The following ANKRD55 variants were observed in gnomAD, a reference collection of about 807,000 sequenced individuals.
The protein encoded by ANKRD55 is ankyrin repeat domain 55, also known as ankyrin repeat domain-containing protein 55.
In ANKRD55, 41 loss-of-function variants were observed where a neutral mutation model predicts 60.6. The ratio of observed to expected loss-of-function variants is 0.68; its 90% confidence interval spans 0.53 to 0.88. The LOEUF is 0.88. ANKRD55 is among the 40% of genes least tolerant of loss of function. The probability of loss-of-function intolerance (pLI) is 0.00; values close to 1 mark genes in which losing one functional copy is unlikely to be tolerated. For missense variants in ANKRD55, 732 were observed against 767.6 expected (o/e 0.95, Z 0.55); for synonymous variants, 264 against 290.3 (o/e 0.91, Z 0.92).
intron 7 of ANKRD55, among the ~76,000 whole-genome samples, chr5:56,141,046 G>A (rs888193544): frequency 4.0e-5 from 6 of 151,372 alleles, no homozygotes; most frequent in African/African-American, 1.5e-4. Context: ...CTGGGCAATA[G>A]AGTAAGACTC....
chr5:56,176,210 G>A lies in ANKRD55; in HGVS notation c.254C>T (p.Ala85Val). The A allele has an allele frequency of 6.2e-7, 1 of 1,614,140 alleles. No homozygotes were observed. The highest frequency in any genetic ancestry group is 8.5e-7 in the Non-Finnish European group (1 of 1,180,034). ...ATAAGCATCCTGCATGTTAATATTG[G>A]CTCCCATCTTCAACAGCAGCTTCAC... ...DTVKLLLKMG[A>V]NINMQDAYGR... Residue 85 changes from alanine to valine, a missense_variant, in exon 4 of 12, where the codon GCC (alanine) becomes GTC (valine). Ala to Val is a moderately conservative substitution (Grantham distance 64). Around this residue, in one of 3 missense-constraint regions of ANKRD55, gnomAD observed 131 missense variants for 142.7 expected, o/e 0.92. Coordinates refer to ENST00000341048, the MANE Select transcript of ANKRD55 (RefSeq NM_024669.3).
At chr5:56,151,742 G>A (rs1237930969) in intron 6 of ANKRD55, among the ~76,000 whole-genome samples, 3 of 151,824 alleles carry the variant, frequency 2.0e-5, no homozygotes, top group Non-Finnish European at 2.9e-5. Context: ...GAACCCAAGA[G>A]GCGGAGGTTG....
intron 2 of ANKRD55, among the ~76,000 whole-genome samples, chr5:56,210,135 G>A (rs1467192284): frequency 6.6e-6 from 1 of 151,956 alleles, no homozygotes; most frequent in Non-Finnish European, 1.5e-5. Flanking sequence ...AGCCTCCTGA[G>A]TAGCTGGGAC....
intron 2 of ANKRD55, among the ~76,000 whole-genome samples, chr5:56,227,087 C>T (rs1269011638): frequency 6.6e-6 from 1 of 152,064 alleles, no homozygotes. Context: ...TGGAACCAAC[C>T]CAAATGTCCA....
chr5:56,136,518 C>A (rs1757601427), intron 7 of ANKRD55, among the ~76,000 whole-genome samples: 1 of 152,102 alleles, frequency 6.6e-6, no homozygotes. Context: ...GTTGTTTCAC[C>A]AAATGGTGCT....
intron 9 of ANKRD55, among the ~76,000 whole-genome samples, chr5:56,115,178 T>A (rs1308053043): frequency 6.6e-6 from 1 of 150,778 alleles, no homozygotes; most frequent in Non-Finnish European, 1.5e-5. Context: ...CCAGCCTGGA[T>A]GACAAGTGAG....
At chr5:56,181,715 C>T (rs1173113613) in intron 3 of ANKRD55, among the ~76,000 whole-genome samples, 1 of 152,080 alleles carries the variant, frequency 6.6e-6, no homozygotes, top group Admixed American at 6.5e-5. Flanking sequence ...TCAGCCTCCC[C>T]AGTAGCTAGG....
At chr5:56,213,306 A>T (rs1759722357) in intron 2 of ANKRD55, among the ~76,000 whole-genome samples, 1 of 152,334 alleles carries the variant, frequency 6.6e-6, no homozygotes, top group African/African-American at 2.4e-5. Context: ...TTTGCTTATT[A>T]GTACACTGAA....
chr5:56,188,212 C>T (rs1033648049), intron 2 of ANKRD55, among the ~76,000 whole-genome samples: 5 of 152,032 alleles, frequency 3.3e-5, no homozygotes, highest in Admixed American at 6.6e-5. Flanking sequence ...AGCAATGATA[C>T]GTTTGATATG....
At chr5:56,193,649 T>C (rs1008253773) in intron 2 of ANKRD55, 2 of 283,050 alleles carry the variant, frequency 7.1e-6, no homozygotes, top group African/African-American at 4.5e-5. Context: ...AAGAAAATCA[T>C]GAATGAACAA....
At chr5:56,222,468 G>A (rs533457130) in intron 2 of ANKRD55, among the ~76,000 whole-genome samples, 105 of 152,276 alleles carry the variant, frequency 6.9e-4, no homozygotes, top group African/African-American at 2.3e-3. Flanking sequence ...GCAGCTCCTC[G>A]CCAGCAATGA....
rs543262838 is a variant in ANKRD55 at position 56,121,480 on chromosome 5, C to T, written c.798-4698G>A. ...CTCCGCCCCTGGGGTTCAAGCGATT[C>T]TCCTGCCTCAGCCTCCCGAGTAGCT... On this transcript the variant is annotated intron_variant, in intron 8 of 11. Transcript: ENST00000341048. 1.6e-4 allele frequency among the ~76,000 whole-genome samples: 24 copies of T among 149,216 alleles called. No individual in the cohort carries two copies. In the South Asian group the frequency reaches 2.3e-3, roughly 15 times the overall value.
chr5:56,173,791 G>A (rs1050043842), intron 4 of ANKRD55, among the ~76,000 whole-genome samples: 5 of 149,344 alleles, frequency 3.3e-5, no homozygotes, highest in African/African-American at 9.9e-5. Flanking sequence ...TGATCCTCTA[G>A]CCTCTTGGCC....
chr5:56,117,347 T>C (rs1282446890), intron 8 of ANKRD55, among the ~76,000 whole-genome samples: 3 of 152,226 alleles, frequency 2.0e-5, no homozygotes, highest in African/African-American at 7.2e-5. Flanking sequence ...TAAGTGTTTT[T>C]CTTACTAATT....
chr5:56,209,148 G>T (rs984415598), intron 2 of ANKRD55, among the ~76,000 whole-genome samples: 1 of 152,000 alleles, frequency 6.6e-6, no homozygotes, highest in Admixed American at 6.6e-5. Flanking sequence ...GTGGAGACAG[G>T]GTTATGCCAT....
intron 6 of ANKRD55, 108 bp downstream of exon 6, chr5:56,159,725 C>G (rs965137976): frequency 1.8e-6 from 2 of 1,082,506 alleles, no homozygotes; most frequent in Non-Finnish European, 2.8e-6. Context: ...CAGAACCATG[C>G]CTCATGTCTC....
chr5:56,193,590 T>C lies in ANKRD55; in HGVS notation c.59-9956A>G, dbSNP rs549488482. The C allele has an allele frequency of 5.8e-5, 19 of 328,184 alleles. No homozygotes were observed. The South Asian group carries it at 8.1e-4, about 14-fold the overall frequency. The allele number at this position is 328,184 out of a possible 1,614,324, so 20.3% of individuals were successfully genotyped here. ...CTGAAAATATACTAAAGGAAATTAG[T>C]CAAGCAAACAAAAATGAAGGCACAA... On this transcript the variant is annotated intron_variant, in intron 2 of 11. Transcript: ENST00000341048.
chr5:56,116,786 G>T lies in ANKRD55; in HGVS notation c.798-4C>A. 1.3e-6 allele frequency: 2 copies of T among 1,598,406 alleles called. No individual in the cohort carries two copies. The highest frequency in any genetic ancestry group is 8.5e-7 in the Non-Finnish European group (1 of 1,173,560). ...TGCAGCCCAGTGCAGAGGTGTCCTGGAGGGGCCATGTGAAAAAAGCACAAG... is the reference window on the plus strand; with the variant it reads ...TGCAGCCCAGTGCAGAGGTGTCCTGTAGGGGCCATGTGAAAAAAGCACAAG... On this transcript the variant is annotated splice_polypyrimidine_tract_variant and splice_region_variant and intron_variant, in intron 8 of 11. Coordinates refer to ENST00000341048, the MANE Select transcript of ANKRD55 (RefSeq NM_024669.3).
At chr5:56,151,011 A>AT (rs1020860328) in intron 6 of ANKRD55, among the ~76,000 whole-genome samples, 8 of 152,008 alleles carry the variant, frequency 5.3e-5, no homozygotes, top group Admixed American at 2.6e-4. Flanking sequence ...CCTTTTTGAT[A>AT]TTTTTTTCCT....
Sources: gnomAD v4.1 joint callset for allele counts (sites outside exome capture counted in the v4.1 genomes callset) on GRCh38, gnomAD v4.1.1 for gene constraint, gnomAD v4.1.1 regional missense constraint, MANE v1.5 for transcripts, NCBI Gene and HGNC (gene_info 2026-07-23, HGNC 2026-07-21) for gene names.